Variants in IMMP2L observed in about 807,000 individuals in gnomAD.
IMMP2L encodes mitochondrial inner membrane protease subunit 2.
A neutral mutation model predicts 19.3 loss-of-function variants in IMMP2L; 18 were observed. The ratio of observed to expected loss-of-function variants is 0.93; its 90% confidence interval spans 0.64 to 1.38. IMMP2L has a LOEUF of 1.38. IMMP2L is among the 40% of genes most tolerant of loss of function. IMMP2L has a pLI of 0.00. For missense variants in IMMP2L, 233 were observed against 218.2 expected, an observed-to-expected ratio of 1.07 and a Z score of -0.43; for synonymous variants, 76 against 73.0, an observed-to-expected ratio of 1.04 and a Z score of -0.21.
intron 3 of IMMP2L, among the ~76,000 whole-genome samples, chr7:111,394,355 ACATCAACAT>A (rs921622181): frequency 5.9e-5 from 9 of 152,178 alleles, no homozygotes; most frequent in African/African-American, 1.7e-4. Context: ...ATCATTGATG[ACATCAACAT>A]CATCAACATC....
chr7:111,283,594 G>A (rs1820140010), intron 3 of IMMP2L, among the ~76,000 whole-genome samples: 1 of 152,042 alleles, frequency 6.6e-6, no homozygotes, highest in Admixed American at 6.6e-5. Context: ...AAGAGGTTAG[G>A]GCCAGATTGT....
At chr7:111,447,270 TTGAAA>T (rs1838582738) in intron 3 of IMMP2L, among the ~76,000 whole-genome samples, 1 of 112,920 alleles carries the variant, frequency 8.9e-6, no homozygotes, top group South Asian at 2.6e-4. Context: ...TTCACCAAAG[TTGAAA>T]TGAAGGAAAA....
chr7:110,839,798 T>C (rs1757472125), intron 5 of IMMP2L, among the ~76,000 whole-genome samples: 2 of 152,134 alleles, frequency 1.3e-5, no homozygotes, highest in Admixed American at 6.6e-5. Flanking sequence ...TAGCTGCTTA[T>C]ATTAATTAAG....
intron 5 of IMMP2L, among the ~76,000 whole-genome samples, chr7:110,825,673 T>C (rs1803420104): frequency 6.6e-6 from 1 of 152,104 alleles, no homozygotes. Flanking sequence ...TTACACCTTA[T>C]ACAAAAATTA....
intron 5 of IMMP2L, among the ~76,000 whole-genome samples, chr7:110,843,639 T>C (rs1805330873): frequency 6.6e-6 from 1 of 151,314 alleles, no homozygotes; most frequent in Admixed American, 6.6e-5. Context: ...AGGATGGACA[T>C]TAAGCAGAGA....
intron 3 of IMMP2L, among the ~76,000 whole-genome samples, chr7:111,255,264 T>C (rs1816580837): frequency 6.6e-6 from 1 of 152,160 alleles, no homozygotes; most frequent in Admixed American, 6.6e-5. Context: ...TCAAATTGAA[T>C]GTGTTCTTTT....
intron 3 of IMMP2L, among the ~76,000 whole-genome samples, chr7:111,228,645 T>C (rs1401380428): frequency 6.6e-6 from 1 of 151,978 alleles, no homozygotes; most frequent in African/African-American, 2.4e-5. Context: ...TACATAAAGT[T>C]TGGTGAGTTT....
intron 5 of IMMP2L, among the ~76,000 whole-genome samples, chr7:110,763,109 C>G (rs1798451324): frequency 6.6e-6 from 1 of 152,028 alleles, no homozygotes; most frequent in Non-Finnish European, 1.5e-5. Context: ...AAGAAATCCA[C>G]ATTGGGTTTC....
At chr7:111,328,820 A>C (rs541774626) in intron 3 of IMMP2L, among the ~76,000 whole-genome samples, 1 of 151,962 alleles carries the variant, frequency 6.6e-6, no homozygotes, top group East Asian at 1.9e-4. Flanking sequence ...TGGACTTACT[A>C]AACATACATA....
chr7:111,267,192 T>C (rs1264937930), intron 3 of IMMP2L, among the ~76,000 whole-genome samples: 1 of 152,136 alleles, frequency 6.6e-6, no homozygotes, highest in East Asian at 1.9e-4. Flanking sequence ...GTTGATAATC[T>C]TTCTTTCTTC....
intron 3 of IMMP2L, among the ~76,000 whole-genome samples, chr7:111,445,411 A>AACATACAT (rs568084274): frequency 2.0e-5 from 3 of 151,972 alleles, no homozygotes; most frequent in Non-Finnish European, 2.9e-5. Flanking sequence ...AATAGACACA[A>AACATACAT]ACATACATAC....
chr7:111,209,180 G>A (rs996575993), intron 3 of IMMP2L, among the ~76,000 whole-genome samples: 6 of 152,116 alleles, frequency 3.9e-5, no homozygotes, highest in African/African-American at 1.2e-4. Flanking sequence ...TCACGATCAC[G>A]AGGTCAGCAG....
chr7:111,487,918 AG>A (rs1162363630), intron 2 of IMMP2L, among the ~76,000 whole-genome samples: 1 of 152,124 alleles, frequency 6.6e-6, no homozygotes, highest in African/African-American at 2.4e-5. Flanking sequence ...GAGCCTAATA[AG>A]GGGCTTTCAT....
chr7:111,137,270 T>TTA (rs1268155686), intron 3 of IMMP2L, among the ~76,000 whole-genome samples: 4 of 152,138 alleles, frequency 2.6e-5, no homozygotes, highest in African/African-American at 9.7e-5. Context: ...CATTCTATAT[T>TTA]CAATTTATAA....
Position 111,242,134 on chromosome 7 carries a change from C to G in IMMP2L, c.239+245104G>C, listed in dbSNP as rs1009891758. Among the ~76,000 whole-genome samples, 6 of 151,876 alleles carry G rather than the reference C, an allele frequency of 4.0e-5. 1 individual carries two copies. Among genetic ancestry groups the G allele is most frequent in the African/African-American group, 1.5e-4 (6 of 41,342 alleles). ...AATTCAGAAAATAGAATATTAGTTT[C>G]CCTTACCATAAACTTTTCCTGAATA... On this transcript the variant is annotated intron_variant, in intron 3 of 5. Coordinates refer to ENST00000405709, the MANE Select transcript of IMMP2L (RefSeq NM_032549.4).
intron 5 of IMMP2L, among the ~76,000 whole-genome samples, chr7:110,858,364 T>A (rs1807021001): frequency 6.6e-6 from 1 of 152,024 alleles, no homozygotes; most frequent in East Asian, 1.9e-4. Flanking sequence ...ATGGTCTCTG[T>A]TTCCAGACTA....
At chr7:111,363,967 A>G (rs1462100129) in intron 3 of IMMP2L, among the ~76,000 whole-genome samples, 1 of 151,950 alleles carries the variant, frequency 6.6e-6, no homozygotes, top group Non-Finnish European at 1.5e-5. Flanking sequence ...TCGATTCAGT[A>G]ATCTTCTTTT....
chr7:110,672,214 G>C (rs998125056), intron 5 of IMMP2L, among the ~76,000 whole-genome samples: 2 of 152,052 alleles, frequency 1.3e-5, no homozygotes, highest in Non-Finnish European at 2.9e-5. Context: ...CATGGTGGCA[G>C]CAAGCAGAAG....
intron 3 of IMMP2L, among the ~76,000 whole-genome samples, chr7:111,159,196 A>G (rs1586623794): frequency 6.6e-6 from 1 of 151,586 alleles, no homozygotes; most frequent in Admixed American, 6.6e-5. Flanking sequence ...ACTCACTGCA[A>G]CCTCCGCCTC....
Sources: allele counts gnomAD v4.1 joint callset (sites outside exome capture counted in the v4.1 genomes callset), GRCh38; gene constraint gnomAD v4.1.1; transcripts MANE v1.5; gene names NCBI Gene and HGNC (gene_info 2026-07-23, HGNC 2026-07-21).